The following TVP23A variants were observed in gnomAD, a reference collection of about 807,000 sequenced individuals.
TVP23A encodes trans-golgi network vesicle protein 23 homolog A, also known as Golgi apparatus membrane protein TVP23 homolog A.
In TVP23A, 21 loss-of-function variants were observed where a neutral mutation model predicts 31.7. The ratio of observed to expected loss-of-function variants is 0.66; its 90% CI spans 0.47 to 0.95. TVP23A has a LOEUF of 0.95. TVP23A is among the 40% of genes least tolerant of loss of function. The pLI, the probability that TVP23A is intolerant of heterozygous loss-of-function variation, is 0.00. For synonymous variants in TVP23A, 104 were observed against 96.0 expected (o/e 1.08, Z -0.49); for missense variants, 279 against 255.6 (o/e 1.09, Z -0.62).
intron 2 of TVP23A, among the ~76,000 whole-genome samples, chr16:10,801,350 A>G (rs1355944116): frequency 6.6e-6 from 1 of 152,234 alleles, no homozygotes; most frequent in Non-Finnish European, 1.5e-5. Flanking sequence ...ATTAAAGTGT[A>G]TTCCTCAAAA....
chr16:10,810,090 A>G (rs1406571819), intron 2 of TVP23A, among the ~76,000 whole-genome samples: 4 of 152,210 alleles, frequency 2.6e-5, no homozygotes, highest in African/African-American at 9.7e-5. Flanking sequence ...CTAAACCGGG[A>G]TGAACCTGGA....
downstream of TVP23A, among the ~76,000 whole-genome samples, chr16:10,763,298 A>G (rs2030297627): frequency 6.6e-6 from 1 of 151,978 alleles, no homozygotes; most frequent in Admixed American, 6.5e-5. Context: ...GGCCGTGCAG[A>G]AAGCGGGAGC....
chr16:10,757,797 T>A, downstream of TVP23A: 1 of 1,558,308 alleles, frequency 6.4e-7, no homozygotes. The surrounding 1 kb of genome is among the most constrained non-coding windows in gnomAD (Gnocchi z 4.1). Flanking sequence ...ACCCCATCCT[T>A]TAAAAAAAAA....
At chr16:10,778,682 A>C (rs2032230564) in intron 2 of TVP23A, among the ~76,000 whole-genome samples, 1 of 150,648 alleles carries the variant, frequency 6.6e-6, no homozygotes, top group African/African-American at 2.4e-5. Flanking sequence ...AAAAAGATAG[A>C]GGGTCGGGCG....
In TVP23A at chr16:10,782,496, G is replaced by A. The variant is rs182292935; in HGVS notation, c.90-7400C>T. On this transcript the variant is annotated intron_variant, in intron 2 of 7. Transcript: ENST00000299866. ...ATGAAGTTTTGTTGGTTTTGTTTTCGTTTTTGTTTGTTTTGTTTGTTTTTA... is the reference window on the plus strand; with the variant it reads ...ATGAAGTTTTGTTGGTTTTGTTTTCATTTTTGTTTGTTTTGTTTGTTTTTA... Among the ~76,000 whole-genome samples, 296 of 151,684 alleles carry A rather than the reference G, an allele frequency of 2.0e-3. 2 individuals carry two copies. Among genetic ancestry groups the A allele is most frequent in the Non-Finnish European group, 1.5e-3 (102 of 67,830 alleles).
At chr16:10,761,481 G>A (rs990703632) in exon 9 of TVP23A, 1 of 1,609,966 alleles carries the variant, frequency 6.2e-7, no homozygotes, top group East Asian at 2.2e-5. Context: ...CAAGGTGAGG[G>A]CGCGTGGGGC....
At chr16:10,808,185 G>T in intron 2 of TVP23A, among the ~76,000 whole-genome samples, 1 of 152,216 alleles carries the variant, frequency 6.6e-6, no homozygotes. Flanking sequence ...CTTGCATATA[G>T]TAAGTGCTGG....
At chr16:10,815,217 G>A (rs1022937042) in intron 2 of TVP23A, among the ~76,000 whole-genome samples, 4 of 152,058 alleles carry the variant, frequency 2.6e-5, no homozygotes, top group African/African-American at 7.2e-5. Context: ...CCAACATGGC[G>A]AAACTCCATC....
chr16:10,803,270 T>TGTGTGTGTGTGTGTGTGTGTGCGC (rs1567310412), intron 2 of TVP23A, among the ~76,000 whole-genome samples: 1 of 151,828 alleles, frequency 6.6e-6, no homozygotes, highest in African/African-American at 2.4e-5. Context: ...TGTGTGTGTG[T>TGTGTGTGTGTGTGTGTGTGTGCGC]GTGTGTGTGT....
intron 5 of TVP23A, 28 bp from the exon 6 acceptor site, chr16:10,771,826 C>G (rs767985487): frequency 1.3e-6 from 2 of 1,551,188 alleles, no homozygotes; most frequent in East Asian, 4.9e-5. Context: ...AAGCAAAGGT[C>G]ACTTTTTTTT....
At chr16:10,816,449 C>G (rs1171768426) in intron 2 of TVP23A, among the ~76,000 whole-genome samples, 1 of 151,946 alleles carries the variant, frequency 6.6e-6, no homozygotes. Flanking sequence ...TTCTCCTTCC[C>G]CAGCCTCCTG....
chr16:10,796,389 A>G (rs1002815020), intron 2 of TVP23A, among the ~76,000 whole-genome samples: 2 of 152,078 alleles, frequency 1.3e-5, no homozygotes, highest in African/African-American at 4.8e-5. Flanking sequence ...GAGAGAGAGG[A>G]GAGGGTGAGA....
At chr16:10,762,658 G>C (rs1297161332), downstream of TVP23A, among the ~76,000 whole-genome samples, 1 of 152,248 alleles carries the variant, frequency 6.6e-6, no homozygotes, top group East Asian at 1.9e-4. Flanking sequence ...CTGGAGGGGA[G>C]GCCGGGATCC....
intron 2 of TVP23A, among the ~76,000 whole-genome samples, chr16:10,817,832 C>A (rs2034508772): frequency 6.6e-6 from 1 of 152,182 alleles, no homozygotes; most frequent in African/African-American, 2.4e-5. Flanking sequence ...CTCTAGTTAC[C>A]TTCTCTTTCA....
chr16:10,758,290 G>A (rs1421365721), downstream of TVP23A, among the ~76,000 whole-genome samples: 1 of 152,134 alleles, frequency 6.6e-6, no homozygotes, highest in African/African-American at 2.4e-5. Context: ...GAAAAACATA[G>A]CAAAACCCCA....
rs1226230391 is a variant in TVP23A at position 10,818,610 on chromosome 16, G to C, written c.-117C>G. 2.3e-6 allele frequency: 3 copies of C among 1,327,982 alleles called. No individual in the cohort carries two copies. Among genetic ancestry groups the C allele is most frequent in the Admixed American group, 2.5e-5 (1 of 39,314 alleles). The allele number at this position is 1,327,982 out of a possible 1,614,324, so 82.3% of individuals were successfully genotyped here. A position where few individuals can be genotyped will look rare whatever the true frequency, so the allele number is the denominator to read the frequency against. ...AGGCAGCAGACGGTGGACGCTGAGG[G>C]TCGGGGCCTGCGCCCTGTGGGGCAG... On this transcript the variant is annotated 5_prime_UTR_variant, in exon 1 of 8. Transcript: ENST00000299866. The surrounding 1 kb of genome is among the most constrained non-coding windows in gnomAD (Gnocchi z 4.7).
At chr16:10,786,227 C>CTT in intron 2 of TVP23A, among the ~76,000 whole-genome samples, 1 of 152,120 alleles carries the variant, frequency 6.6e-6, no homozygotes, top group Non-Finnish European at 1.5e-5. Context: ...TTTTCATCCA[C>CTT]AGGGGAAGGT....
At chr16:10,761,277 A>ACTGCATTGT in exon 9 of TVP23A, 1 of 1,207,908 alleles carries the variant, frequency 8.3e-7, no homozygotes. Flanking sequence ...TCGCAGATCC[A>ACTGCATTGT]CTGCATTGCA....
intron 2 of TVP23A, among the ~76,000 whole-genome samples, chr16:10,780,042 C>T (rs1175799562): frequency 6.6e-6 from 1 of 152,008 alleles, no homozygotes; most frequent in African/African-American, 2.4e-5. Flanking sequence ...GAGCCAAGAT[C>T]GTGCCACTGG....
Sources: allele counts gnomAD v4.1 joint callset (sites outside exome capture counted in the v4.1 genomes callset), GRCh38; gene constraint gnomAD v4.1.1; non-coding constraint Gnocchi (gnomAD v3.1); transcripts MANE v1.5; gene names NCBI Gene and HGNC (gene_info 2026-07-23, HGNC 2026-07-21).